Variants in RPS6KA5 observed in about 807,000 individuals in gnomAD.
RPS6KA5 encodes the protein ribosomal protein S6 kinase alpha-5.
RPS6KA5 carries 27 observed loss-of-function variants against 85.5 expected under a neutral mutation model. The observed-to-expected ratio is 0.32, with a 90% CI of 0.23 to 0.44. RPS6KA5 has a LOEUF of 0.44. Ranked by LOEUF, RPS6KA5 falls within the 20% of genes least tolerant of loss-of-function variation. The pLI, the probability that RPS6KA5 is intolerant of heterozygous loss-of-function variation, is 1.00. For missense variants in RPS6KA5, 811 were observed against 980.9 expected (o/e 0.83, Z 2.31); for synonymous variants, 334 against 348.2 (o/e 0.96, Z 0.46).
chr14:91,018,992 A>G (rs2041621801), intron 1 of RPS6KA5, among the ~76,000 whole-genome samples: 1 of 152,070 alleles, frequency 6.6e-6, no homozygotes. Flanking sequence ...GATATCAAGC[A>G]GAAGAATACA....
chr14:90,883,705 T>C (rs2033999725), intron 14 of RPS6KA5, among the ~76,000 whole-genome samples: 1 of 152,226 alleles, frequency 6.6e-6, no homozygotes, highest in African/African-American at 2.4e-5. Context: ...TTGTGATTCT[T>C]GTTGAAAATG....
chr14:90,955,441 C>T (rs536993473), intron 3 of RPS6KA5, among the ~76,000 whole-genome samples: 200 of 151,942 alleles, frequency 1.3e-3, no homozygotes, highest in African/African-American at 4.0e-3. Context: ...TTTGTGGAGA[C>T]GGGGTCTCAC....
chr14:90,886,430 C>T (rs777862085), intron 14 of RPS6KA5, among the ~76,000 whole-genome samples: 4 of 152,196 alleles, frequency 2.6e-5, no homozygotes, highest in South Asian at 2.1e-4. Flanking sequence ...GGGATTCACA[C>T]GCTGAAGCCC....
chr14:90,957,322 C>T (rs2038575814), intron 3 of RPS6KA5, among the ~76,000 whole-genome samples: 1 of 152,186 alleles, frequency 6.6e-6, no homozygotes, highest in African/African-American at 2.4e-5. Context: ...CCCATGGCCT[C>T]CCAAAGTGCT....
intron 13 of RPS6KA5, among the ~76,000 whole-genome samples, chr14:90,891,161 A>G (rs1054432085): frequency 2.0e-5 from 3 of 151,670 alleles, no homozygotes; most frequent in Admixed American, 6.6e-5. Context: ...GACGGGGACT[A>G]TGTGTCTACC....
chr14:90,932,556 T>G (rs959233329), intron 5 of RPS6KA5, among the ~76,000 whole-genome samples: 2 of 152,190 alleles, frequency 1.3e-5, no homozygotes, highest in Non-Finnish European at 2.9e-5. Context: ...ATCATCTCCT[T>G]TCTCCTAAAA....
intron 12 of RPS6KA5, among the ~76,000 whole-genome samples, chr14:90,895,479 T>C (rs887440441): frequency 2.0e-5 from 3 of 152,246 alleles, no homozygotes; most frequent in Admixed American, 6.5e-5. Context: ...CTATGGGTTT[T>C]TGCTTTAATC....
chr14:90,983,833 CTCTCTCTTTCTTTT>C (rs1203917560), intron 2 of RPS6KA5, among the ~76,000 whole-genome samples: 34 of 140,470 alleles, frequency 2.4e-4, no homozygotes, highest in African/African-American at 9.3e-4. Context: ...CTCTCTCTCT[CTCTCTCTTTCTTTT>C]TTTCTTTCTT....
At chr14:91,057,226 A>C (rs116099093) in intron 1 of RPS6KA5, among the ~76,000 whole-genome samples, 2,704 of 152,144 alleles carry the variant, frequency 0.018, 61 homozygotes, top group African/African-American at 0.063. Flanking sequence ...ACATTCAAGA[A>C]ATGTATGTTT....
At chr14:91,060,273 G>C in intron 1 of RPS6KA5, 59 bp downstream of exon 1, 1 of 1,078,376 alleles carries the variant, frequency 9.3e-7, no homozygotes, top group South Asian at 4.4e-5. Context: ...GCGGGCACCC[G>C]CGTGCCCTCA....
chr14:91,050,011 A>T (rs1398926225), intron 1 of RPS6KA5, among the ~76,000 whole-genome samples: 1 of 152,256 alleles, frequency 6.6e-6, no homozygotes, highest in Non-Finnish European at 1.5e-5. Flanking sequence ...TATGCAGCTC[A>T]TGAATATATA....
chr14:90,933,464 C>T (rs557537919), intron 5 of RPS6KA5, among the ~76,000 whole-genome samples: 1 of 152,256 alleles, frequency 6.6e-6, no homozygotes, highest in South Asian at 2.1e-4. Flanking sequence ...TCTCATACCC[C>T]ACATCTAACT....
At chr14:90,929,774 C>T (rs760409173) in intron 5 of RPS6KA5, among the ~76,000 whole-genome samples, 10 of 151,818 alleles carry the variant, frequency 6.6e-5, no homozygotes, top group South Asian at 6.2e-4. Context: ...AGAGGGAGGA[C>T]GAAGGTCGGG....
intron 14 of RPS6KA5, among the ~76,000 whole-genome samples, chr14:90,885,539 C>T (rs373348134): frequency 1.2e-5 from 1 of 80,578 alleles, no homozygotes; most frequent in African/African-American, 5.6e-5. Context: ...GGCGACAGAG[C>T]GAGACTCCGT....
At position 91,010,657 on chromosome 14, in the gene RPS6KA5, A is replaced by G. The variant is rs140143320; in HGVS notation, c.104-9498T>C. ...GGGGTGTGGATGGAAAAACAAAACA[A>G]TAACAATTCTGTTCAAGGAATGAGG... On this transcript the variant is annotated intron_variant, in intron 1 of 16. Transcript: ENST00000614987. 6.6e-5 allele frequency among the ~76,000 whole-genome samples: 10 copies of G among 152,324 alleles called. No homozygotes were observed. The East Asian group carries it at 1.9e-3, about 29-fold the overall frequency.
intron 14 of RPS6KA5, among the ~76,000 whole-genome samples, chr14:90,876,017 C>T (rs1051442576): frequency 1.3e-5 from 2 of 151,454 alleles, no homozygotes; most frequent in Admixed American, 6.6e-5. Flanking sequence ...AAAACCTGCA[C>T]GTTGTGCACA....
intron 1 of RPS6KA5, among the ~76,000 whole-genome samples, chr14:91,035,716 G>A: frequency 6.6e-6 from 1 of 151,690 alleles, no homozygotes; most frequent in African/African-American, 2.4e-5. Flanking sequence ...CACAGGAGGG[G>A]GCTATGGAAT....
chr14:91,022,997 A>T (rs1161669672), intron 1 of RPS6KA5, among the ~76,000 whole-genome samples: 2 of 151,230 alleles, frequency 1.3e-5, no homozygotes, highest in Non-Finnish European at 2.9e-5. Context: ...GGGCAGGAGA[A>T]TCACTTGAAC....
chr14:90,987,667 A>G (rs1471763753), intron 2 of RPS6KA5, among the ~76,000 whole-genome samples: 1 of 152,140 alleles, frequency 6.6e-6, no homozygotes, highest in Admixed American at 6.5e-5. Flanking sequence ...AACTTACAAG[A>G]TCTGCTGTTG....
Sources: allele counts gnomAD v4.1 joint callset (sites outside exome capture counted in the v4.1 genomes callset), GRCh38; gene constraint gnomAD v4.1.1; transcripts MANE v1.5; gene names NCBI Gene and HGNC (gene_info 2026-07-23, HGNC 2026-07-21).